RBFOX1: variants seen among roughly 807,000 people sequenced by gnomAD.
RBFOX1 encodes the protein RNA binding protein fox-1 homolog 1.
In RBFOX1, 8 loss-of-function variants were observed where a neutral mutation model predicts 57.7. The observed-to-expected ratio is 0.14, with a 90% CI of 0.08 to 0.25. RBFOX1 has a LOEUF of 0.25. Among genes scored for constraint, RBFOX1 ranks in the 10% least tolerant of loss-of-function variants. The pLI is 1.00. For missense variants in RBFOX1, 611 were observed against 548.5 expected (o/e 1.11, Z -1.14); for synonymous variants, 326 against 222.4 (o/e 1.47, Z -4.15).
intron 2 of RBFOX1, among the ~76,000 whole-genome samples, chr16:6,650,802 G>C (rs763050641): frequency 1.3e-5 from 2 of 152,080 alleles, no homozygotes; most frequent in Non-Finnish European, 2.9e-5. Context: ...TCCTAATGAT[G>C]CATCCGCAGA....
intron 4 of RBFOX1, among the ~76,000 whole-genome samples, chr16:7,200,989 T>C (rs13337173): frequency 0.046 from 7,000 of 152,262 alleles, 522 homozygotes; most frequent in African/African-American, 0.16. Context: ...GAAAAATTAA[T>C]CTATATTTTG....
intron 3 of RBFOX1, among the ~76,000 whole-genome samples, chr16:6,983,184 T>C (rs76545426): frequency 4.6e-5 from 7 of 151,996 alleles, no homozygotes; most frequent in East Asian, 1.9e-4. Flanking sequence ...CTCTACCCTT[T>C]CCTTGGGTAG....
At chr16:6,879,753 T>G (rs2062548673) in intron 3 of RBFOX1, among the ~76,000 whole-genome samples, 1 of 152,202 alleles carries the variant, frequency 6.6e-6, no homozygotes, top group African/African-American at 2.4e-5. Context: ...TTAACAGTGT[T>G]CCTGGCTGTT....
intron 1 of RBFOX1, among the ~76,000 whole-genome samples, chr16:5,328,883 G>A (rs1021947933): frequency 1.3e-5 from 2 of 152,222 alleles, no homozygotes; most frequent in African/African-American, 4.8e-5. Flanking sequence ...AGGCTGCCTT[G>A]ATTCCGGGTC....
intron 4 of RBFOX1, among the ~76,000 whole-genome samples, chr16:7,276,909 A>G (rs943585070): frequency 1.3e-5 from 2 of 152,214 alleles, no homozygotes; most frequent in Non-Finnish European, 2.9e-5. Context: ...GTTTAGTGAT[A>G]AACAGTTTGA....
intron 1 of RBFOX1, among the ~76,000 whole-genome samples, chr16:5,248,447 C>G (rs2062358819): frequency 6.6e-6 from 1 of 152,226 alleles, no homozygotes; most frequent in African/African-American, 2.4e-5. Flanking sequence ...CTGGGGGCAG[C>G]CTTTCCCCTT....
At chr16:7,462,991 G>C (rs1435698131) in intron 4 of RBFOX1, among the ~76,000 whole-genome samples, 1 of 152,124 alleles carries the variant, frequency 6.6e-6, no homozygotes, top group African/African-American at 2.4e-5. Flanking sequence ...CAAAGTCCTT[G>C]TCTTAGCCTG....
chr16:6,413,266 C>CTGAG (rs1420652800), intron 2 of RBFOX1, among the ~76,000 whole-genome samples: 1 of 147,968 alleles, frequency 6.8e-6, no homozygotes, highest in Non-Finnish European at 1.5e-5. Flanking sequence ...TTGTGGTGAG[C>CTGAG]TGAGATGGTG....
chr16:6,749,534 C>T lies in RBFOX1; in HGVS notation c.-16+94884C>T, dbSNP rs1275575979. ...GGTTCTGGGGATTTGAACTAACCTG[C>T]CTTTGACTTCATATCCAGCAGGCAG... On this transcript the variant is annotated intron_variant, in intron 3 of 15. Coordinates refer to ENST00000550418, the MANE Select transcript of RBFOX1 (RefSeq NM_018723.4). Among the ~76,000 whole-genome samples the T allele has an allele frequency of 2.6e-5, 4 of 152,248 alleles. No homozygotes were observed. The East Asian group carries it at 5.8e-4, about 22-fold the overall frequency.
chr16:5,605,465 G>C (rs2047539029), intron 3 of RBFOX1, among the ~76,000 whole-genome samples: 1 of 152,244 alleles, frequency 6.6e-6, no homozygotes, highest in South Asian at 2.1e-4. Context: ...TGCCATTGAT[G>C]AGTAATAGGA....
intron 3 of RBFOX1, among the ~76,000 whole-genome samples, chr16:5,783,657 C>G (rs781320488): frequency 3.7e-4 from 56 of 152,140 alleles, no homozygotes; most frequent in Non-Finnish European, 6.9e-4. Context: ...TAATGATACC[C>G]CAGGCACATT....
intron 4 of RBFOX1, among the ~76,000 whole-genome samples, chr16:7,333,980 A>G (rs1398118133): frequency 6.6e-6 from 1 of 152,186 alleles, no homozygotes; most frequent in Admixed American, 6.6e-5. Flanking sequence ...CAGAAAAGGA[A>G]AACAAAATAT....
intron 4 of RBFOX1, among the ~76,000 whole-genome samples, chr16:7,263,206 A>G (rs1312484561): frequency 2.0e-5 from 3 of 152,000 alleles, no homozygotes; most frequent in Admixed American, 2.0e-4. Flanking sequence ...CAGAGCCGTG[A>G]GTTACTTTGC....
At chr16:5,528,892 C>T (rs965517958) in intron 2 of RBFOX1, among the ~76,000 whole-genome samples, 3 of 152,098 alleles carry the variant, frequency 2.0e-5, no homozygotes, top group African/African-American at 7.2e-5. Flanking sequence ...TCAAGTGATC[C>T]ATCTGCTTCG....
chr16:6,114,255 C>A (rs1480860333), intron 1 of RBFOX1, among the ~76,000 whole-genome samples: 5 of 152,172 alleles, frequency 3.3e-5, no homozygotes, highest in African/African-American at 4.8e-5. Context: ...AGTGATCTCT[C>A]ATCTGATTTC....
chr16:7,325,024 A>G (rs1400685420), intron 4 of RBFOX1, among the ~76,000 whole-genome samples: 1 of 152,216 alleles, frequency 6.6e-6, no homozygotes, highest in African/African-American at 2.4e-5. Flanking sequence ...AAGCTCTTCA[A>G]CAAGAAGGCA....
At chr16:6,735,032 C>A (rs1429870182) in intron 3 of RBFOX1, among the ~76,000 whole-genome samples, 1 of 151,944 alleles carries the variant, frequency 6.6e-6, no homozygotes, top group Non-Finnish European at 1.5e-5. Flanking sequence ...GTGTTCTCAG[C>A]TACTTGGAAG....
intron 2 of RBFOX1, among the ~76,000 whole-genome samples, chr16:5,506,601 A>T (rs1244483332): frequency 3.3e-5 from 5 of 152,110 alleles, no homozygotes; most frequent in African/African-American, 1.2e-4. Context: ...GTTAATGATA[A>T]ATTAAACCTA....
intron 4 of RBFOX1, among the ~76,000 whole-genome samples, chr16:5,956,910 C>G (rs2059655466): frequency 1.3e-5 from 2 of 151,390 alleles, no homozygotes; most frequent in Admixed American, 1.3e-4. Flanking sequence ...CTCCAGCAAT[C>G]CATCTGCCTT....
Sources: allele counts gnomAD v4.1 joint callset (sites outside exome capture counted in the v4.1 genomes callset), GRCh38; gene constraint gnomAD v4.1.1; transcripts MANE v1.5; gene names NCBI Gene and HGNC (gene_info 2026-07-23, HGNC 2026-07-21).